The following PTPRD variants were observed in gnomAD, a reference collection of about 807,000 sequenced individuals.
PTPRD encodes the protein protein tyrosine phosphatase receptor type D, also known as receptor-type tyrosine-protein phosphatase delta.
Under a neutral mutation model 214.5 loss-of-function variants are expected in PTPRD, and 34 were observed. That is an observed-to-expected ratio of 0.16 (90% confidence interval 0.12 to 0.21). The LOEUF is 0.21. Ranked by LOEUF, PTPRD falls within the 10% of genes least tolerant of loss-of-function variation. The probability of loss-of-function intolerance (pLI) is 1.00; values close to 1 mark genes in which losing one functional copy is unlikely to be tolerated. For missense variants in PTPRD, 2,545 were observed against 2,398.7 expected, an observed-to-expected ratio of 1.06 and a Z score of -1.27; for synonymous variants, 1,128 against 845.7, an observed-to-expected ratio of 1.33 and a Z score of -5.79.
intron 5 of PTPRD, among the ~76,000 whole-genome samples, chr9:9,783,835 T>G (rs1196710174): frequency 4.0e-5 from 6 of 151,408 alleles, no homozygotes; most frequent in Non-Finnish European, 4.4e-5. Context: ...TTTTTTTTTT[T>G]TTAATTAAAC....
chr9:9,074,457 T>A (rs2099748107), intron 10 of PTPRD, among the ~76,000 whole-genome samples: 1 of 152,108 alleles, frequency 6.6e-6, no homozygotes, highest in Non-Finnish European at 1.5e-5. Context: ...ACTGGGATTA[T>A]TGTAGAATTC....
chr9:9,464,841 A>G (rs1167828047), intron 8 of PTPRD, among the ~76,000 whole-genome samples: 1 of 152,188 alleles, frequency 6.6e-6, no homozygotes, highest in Non-Finnish European at 1.5e-5. Flanking sequence ...AGGTACAGCA[A>G]AAAGTGACTT....
At chr9:9,722,716 C>T (rs1735665995) in intron 7 of PTPRD, among the ~76,000 whole-genome samples, 1 of 152,046 alleles carries the variant, frequency 6.6e-6, no homozygotes, top group African/African-American at 2.4e-5. Flanking sequence ...CCTCCACATC[C>T]TTGACAACAC....
At chr9:10,523,930 A>G (rs1424355117) in intron 2 of PTPRD, among the ~76,000 whole-genome samples, 1 of 152,018 alleles carries the variant, frequency 6.6e-6, no homozygotes, top group Non-Finnish European at 1.5e-5. Context: ...GGTCACAGGT[A>G]TGATGGCTTA....
At chr9:10,265,731 G>A (rs146222931) in intron 3 of PTPRD, among the ~76,000 whole-genome samples, 25 of 152,204 alleles carry the variant, frequency 1.6e-4, no homozygotes, top group Non-Finnish European at 2.8e-4. Flanking sequence ...GGCAGCATCC[G>A]GACCTGATCC....
At chr9:10,052,101 T>C (rs1015949160) in intron 3 of PTPRD, among the ~76,000 whole-genome samples, 1 of 152,064 alleles carries the variant, frequency 6.6e-6, no homozygotes, top group Non-Finnish European at 1.5e-5. Context: ...GGTGCCACCA[T>C]GCTCAGCTAT....
chr9:9,919,789 C>A (rs1414826267), intron 5 of PTPRD, among the ~76,000 whole-genome samples: 2 of 152,108 alleles, frequency 1.3e-5, no homozygotes, highest in Non-Finnish European at 2.9e-5. Context: ...CTGAGTGAGC[C>A]TCAGTCTTCG....
chr9:9,689,386 A>G (rs1338356209), intron 7 of PTPRD, among the ~76,000 whole-genome samples: 1 of 151,914 alleles, frequency 6.6e-6, no homozygotes, highest in African/African-American at 2.4e-5. Flanking sequence ...TTTTATTGAT[A>G]TATAAGAGAT....
In PTPRD at chr9:8,518,091, T is replaced by C. The variant is rs970315764; in HGVS notation, c.1300A>G (p.Ile434Val). The change falls in exon 21 of 46, where the codon ATT (isoleucine) becomes GTT (valine). Residue 434 changes from isoleucine (I) to valine (V), a missense_variant. Ile to Val is a conservative substitution (Grantham distance 29). Transcript: ENST00000381196. ...TCAGGTTCCTTCCACTGTACCAAAA[T>C]GGTGGTCGAACTCAACATTCGTGCC... The part of the protein sequence containing the change: ...VQARMLSSTT[I>V]LVQWKEPEEP... 53 of 1,614,086 alleles carry C rather than the reference T, an allele frequency of 3.3e-5. No individual in the cohort carries two copies. The Admixed American group carries it at 7.5e-4, about 23-fold the overall frequency.
intron 10 of PTPRD, among the ~76,000 whole-genome samples, chr9:9,031,479 A>G (rs150180437): frequency 3.3e-5 from 5 of 152,168 alleles, no homozygotes; most frequent in Admixed American, 6.6e-5. Flanking sequence ...ACTGTAGTCA[A>G]TTGTAACAGA....
intron 5 of PTPRD, among the ~76,000 whole-genome samples, chr9:9,768,083 G>C (rs1597256356): frequency 6.6e-6 from 1 of 152,110 alleles, no homozygotes; most frequent in Non-Finnish European, 1.5e-5. Context: ...ATTTATGCTT[G>C]TGGTTTTATA....
At chr9:10,586,022 A>G (rs1379224282) in intron 2 of PTPRD, among the ~76,000 whole-genome samples, 1 of 152,100 alleles carries the variant, frequency 6.6e-6, no homozygotes, top group Admixed American at 6.5e-5. Flanking sequence ...GTTGTATGAG[A>G]AATTCATACT....
chr9:8,501,332 C>T (rs2097401305), intron 23 of PTPRD, among the ~76,000 whole-genome samples: 1 of 152,094 alleles, frequency 6.6e-6, no homozygotes, highest in Admixed American at 6.6e-5. Flanking sequence ...AATGGAGCCT[C>T]AAATAAAATT....
intron 6 of PTPRD, among the ~76,000 whole-genome samples, chr9:9,739,340 C>G (rs531005375): frequency 1.3e-5 from 2 of 152,146 alleles, no homozygotes; most frequent in African/African-American, 2.4e-5. Flanking sequence ...AGAAAGCACA[C>G]TTCTATAAGA....
rs138608815 is a variant in PTPRD, at chr9:8,417,993, G to A, written c.4087-13333C>T. On this transcript the variant is annotated intron_variant, in intron 35 of 45. Coordinates refer to ENST00000381196, the MANE Select transcript of PTPRD (RefSeq NM_002839.4). ...CTACATTTGACTTATTTTGTATTAT[G>A]TTGCTTCCTGTACTGATTTAATGTT... 1.3e-3 allele frequency among the ~76,000 whole-genome samples: 192 copies of A among 152,210 alleles called. 1 individual carries two copies. Among genetic ancestry groups the A allele is most frequent in the Non-Finnish European group, 1.6e-3 (111 of 68,002 alleles).
At position 10,596,180 on chromosome 9, in the gene PTPRD, C is replaced by T. The variant is rs78231399; in HGVS notation, c.-600+16218G>A. On this transcript the variant is annotated intron_variant, in intron 2 of 45. Transcript: ENST00000381196. ...TTTTCTGACTCTAGTAACTGTCTCACGTTCAGTAATCCAGTAAGCACTGAA... is the reference window on the plus strand; with the variant it reads ...TTTTCTGACTCTAGTAACTGTCTCATGTTCAGTAATCCAGTAAGCACTGAA... Among the ~76,000 whole-genome samples, 256 of 151,830 alleles carry T rather than the reference C, an allele frequency of 1.7e-3. 1 individual carries two copies. The highest frequency in any genetic ancestry group is 3.4e-3 in the Middle Eastern group (1 of 294).
intron 9 of PTPRD, among the ~76,000 whole-genome samples, chr9:9,320,405 C>A (rs1438426757): frequency 2.0e-5 from 3 of 151,982 alleles, no homozygotes; most frequent in East Asian, 3.9e-4. Flanking sequence ...TAAGCCTATT[C>A]CTGAAAATCC....
At chr9:9,383,584 T>C (rs1374744258) in intron 9 of PTPRD, among the ~76,000 whole-genome samples, 1 of 152,170 alleles carries the variant, frequency 6.6e-6, no homozygotes, top group Admixed American at 6.6e-5. Context: ...TAAAGTTAAA[T>C]GATTTGGCTA....
intron 9 of PTPRD, among the ~76,000 whole-genome samples, chr9:9,251,559 T>C (rs1474451065): frequency 6.6e-6 from 1 of 152,130 alleles, no homozygotes; most frequent in African/African-American, 2.4e-5. Context: ...TTGAATGTAC[T>C]TTCCTTCGGG....
Sources: gnomAD v4.1 joint callset for allele counts (sites outside exome capture counted in the v4.1 genomes callset) on GRCh38, gnomAD v4.1.1 for gene constraint, MANE v1.5 for transcripts, NCBI Gene and HGNC (gene_info 2026-07-23, HGNC 2026-07-21) for gene names.